Variants in ATXN1 observed in about 807,000 individuals in gnomAD.
The protein encoded by ATXN1 is ataxin 1.
Under a neutral mutation model 56.4 loss-of-function variants are expected in ATXN1, and 8 were observed. That is an observed-to-expected ratio of 0.14 (90% CI 0.08 to 0.26). The LOEUF is 0.26. Ranked by LOEUF, ATXN1 falls within the 10% of genes least tolerant of loss-of-function variation. The probability of loss-of-function intolerance (pLI) is 1.00; values close to 1 mark genes in which losing one functional copy is unlikely to be tolerated. For synonymous variants in ATXN1, 514 were observed against 494.6 expected (o/e 1.04, Z -0.52); for missense variants, 987 against 1,106.5 (o/e 0.89, Z 1.53).
At chr6:16,724,984 A>C (rs1346581304) in intron 2 of ATXN1, among the ~76,000 whole-genome samples, 3 of 152,188 alleles carry the variant, frequency 2.0e-5, no homozygotes, top group African/African-American at 7.2e-5. Flanking sequence ...GGCTAACATG[A>C]GTTTCCCAGA....
intron 6 of ATXN1, among the ~76,000 whole-genome samples, chr6:16,414,975 A>G (rs751562259): frequency 1.3e-5 from 2 of 152,240 alleles, no homozygotes; most frequent in Non-Finnish European, 2.9e-5. Flanking sequence ...ACTTATAATT[A>G]GCTGAGTATA....
chr6:16,728,626 G>A (rs1049341337), intron 2 of ATXN1, among the ~76,000 whole-genome samples: 10 of 152,176 alleles, frequency 6.6e-5, no homozygotes, highest in Non-Finnish European at 1.3e-4. Flanking sequence ...ATCATAGCAG[G>A]TGAAGTGTGA....
At chr6:16,338,659 G>A (rs539108771) in intron 6 of ATXN1, among the ~76,000 whole-genome samples, 4 of 152,258 alleles carry the variant, frequency 2.6e-5, no homozygotes, top group South Asian at 2.1e-4. Context: ...GGTCGCCATC[G>A]TAGTTATAAT....
chr6:16,696,879 A>T lies in ATXN1; in HGVS notation c.-614-38978T>A, dbSNP rs572616878. Among the ~76,000 whole-genome samples the T allele has an allele frequency of 2.0e-5, 3 of 152,356 alleles. No individual in the cohort carries two copies. In the South Asian group the frequency reaches 6.2e-4, roughly 32 times the overall value. ...AGAGAAAGGTAGTGTTGACCCTAAA[A>T]GCTAAGAGAGGAAAAGACTAGATGT... On this transcript the variant is annotated intron_variant, in intron 2 of 7. Transcript: ENST00000436367.
chr6:16,654,479 G>C (rs1443010614), intron 3 of ATXN1, among the ~76,000 whole-genome samples: 1 of 149,606 alleles, frequency 6.7e-6, no homozygotes, highest in Non-Finnish European at 1.5e-5. Context: ...GGGAGGCGAA[G>C]GTTGCAGTGA....
At chr6:16,669,839 A>G (rs1461182178) in intron 2 of ATXN1, among the ~76,000 whole-genome samples, 3 of 152,088 alleles carry the variant, frequency 2.0e-5, no homozygotes, top group African/African-American at 4.8e-5. Flanking sequence ...CTCAGCAGTC[A>G]GCAAAATATA....
intron 5 of ATXN1, among the ~76,000 whole-genome samples, chr6:16,491,295 T>TATTATAA (rs59253371): frequency 7.8e-6 from 1 of 128,580 alleles, no homozygotes; most frequent in Non-Finnish European, 1.6e-5. Flanking sequence ...TTTTTTTTTT[T>TATTATAA]TTTTTTGATA....
At chr6:16,421,066 C>A (rs1759022053) in intron 6 of ATXN1, among the ~76,000 whole-genome samples, 1 of 152,182 alleles carries the variant, frequency 6.6e-6, no homozygotes, top group Non-Finnish European at 1.5e-5. Flanking sequence ...AGGCATGAAA[C>A]CATGAGGTGC....
chr6:16,473,819 A>ACGTCAG (rs1760269776), intron 6 of ATXN1, among the ~76,000 whole-genome samples: 1 of 152,178 alleles, frequency 6.6e-6, no homozygotes, highest in South Asian at 2.1e-4. Context: ...CTGAAAGTAC[A>ACGTCAG]CGTCAGCTTT....
At chr6:16,691,281 T>C (rs972602294) in intron 2 of ATXN1, among the ~76,000 whole-genome samples, 5 of 152,234 alleles carry the variant, frequency 3.3e-5, no homozygotes, top group African/African-American at 1.2e-4. Context: ...CACTATCATA[T>C]TCCTTACACC....
At chr6:16,396,663 T>C (rs1010785203) in intron 6 of ATXN1, among the ~76,000 whole-genome samples, 10 of 152,324 alleles carry the variant, frequency 6.6e-5, no homozygotes, top group Admixed American at 6.5e-4. Context: ...TGGGGTACAG[T>C]GATACAGTGA....
At chr6:16,427,572 C>T (rs1759183740) in intron 6 of ATXN1, among the ~76,000 whole-genome samples, 1 of 152,186 alleles carries the variant, frequency 6.6e-6, no homozygotes, top group Non-Finnish European at 1.5e-5. Flanking sequence ...CTGATTTTTC[C>T]ACACTTTCAT....
chr6:16,476,223 G>T (rs569940428), intron 6 of ATXN1, among the ~76,000 whole-genome samples: 169 of 152,068 alleles, frequency 1.1e-3, no homozygotes, highest in African/African-American at 3.7e-3. Context: ...CAGGAAGAAG[G>T]GTTCTTTCTA....
intron 4 of ATXN1, among the ~76,000 whole-genome samples, chr6:16,583,245 C>T (rs1420161893): frequency 6.6e-6 from 1 of 152,188 alleles, no homozygotes; most frequent in Non-Finnish European, 1.5e-5. Context: ...ACGAATGCAG[C>T]GTCTACATAC....
At chr6:16,606,863 T>TGA (rs1163212023) in intron 3 of ATXN1, among the ~76,000 whole-genome samples, 1 of 23,704 alleles carries the variant, frequency 4.2e-5, no homozygotes, top group African/African-American at 1.0e-4. Flanking sequence ...TACAGTTCCA[T>TGA]GAGTTGTGTG....
chr6:16,679,547 A>C (rs978473522), intron 2 of ATXN1, among the ~76,000 whole-genome samples: 1 of 152,248 alleles, frequency 6.6e-6, no homozygotes, highest in African/African-American at 2.4e-5. Context: ...ATATATAGTC[A>C]AAATTAACTT....
At chr6:16,569,465 T>C (rs977201369) in intron 4 of ATXN1, among the ~76,000 whole-genome samples, 1 of 148,646 alleles carries the variant, frequency 6.7e-6, no homozygotes, top group African/African-American at 2.5e-5. Flanking sequence ...AGGTGGAGGC[T>C]GTAGTGAGCC....
intron 6 of ATXN1, among the ~76,000 whole-genome samples, chr6:16,361,888 C>T (rs1348520483): frequency 6.6e-6 from 1 of 152,230 alleles, no homozygotes; most frequent in East Asian, 1.9e-4. Context: ...TCTGAAAATG[C>T]TTCACCTTCT....
At chr6:16,429,405 C>T (rs1238203892) in intron 6 of ATXN1, among the ~76,000 whole-genome samples, 2 of 141,052 alleles carry the variant, frequency 1.4e-5, no homozygotes, top group Non-Finnish European at 3.1e-5. Context: ...GTAGCAATAG[C>T]ATCAGAGTAT....
Sources: allele counts gnomAD v4.1 joint callset (sites outside exome capture counted in the v4.1 genomes callset), GRCh38; gene constraint gnomAD v4.1.1; transcripts MANE v1.5; gene names NCBI Gene and HGNC (gene_info 2026-07-23, HGNC 2026-07-21).